COL8A1: variants seen among roughly 807,000 people sequenced by gnomAD.
COL8A1 encodes collagen alpha-1(VIII) chain.
COL8A1 carries 21 observed loss-of-function variants against 42.7 expected under a neutral mutation model. That is an observed-to-expected ratio of 0.49 (90% CI 0.35 to 0.71). The LOEUF is 0.71. Among genes scored for constraint, COL8A1 ranks in the 30% least tolerant of loss-of-function variants. The pLI, the probability that COL8A1 is intolerant of heterozygous loss-of-function variation, is 0.01. For synonymous variants in COL8A1, 367 were observed against 369.1 expected (o/e 0.99, Z 0.06); for missense variants, 788 against 962.4 (o/e 0.82, Z 2.40).
intron 1 of COL8A1, among the ~76,000 whole-genome samples, chr3:99,724,670 C>T (rs1001884485): frequency 6.6e-6 from 1 of 152,072 alleles, no homozygotes; most frequent in Admixed American, 6.6e-5. Flanking sequence ...AGAGATAAGT[C>T]AATCCACATT....
chr3:99,794,278 C>G lies in COL8A1; in HGVS notation c.377C>G (p.Pro126Arg). 1.2e-6 allele frequency: 2 copies of G among 1,610,054 alleles called. No homozygotes were observed. The highest frequency in any genetic ancestry group is 1.7e-6 in the Non-Finnish European group (2 of 1,178,352). The change falls in exon 4 of 4, where the codon CCT (proline) becomes CGT (arginine). Residue 126 changes from proline (P) to arginine (R), a missense_variant. Physicochemically the swap from Pro to Arg is moderately radical, Grantham distance 103. This residue lies in a region of COL8A1 where 421 missense variants were observed against 553.1 expected (regional missense o/e 0.76). Transcript: ENST00000652472. The surrounding 1 kb of genome is among the most constrained non-coding windows in gnomAD (Gnocchi z 4.3). ...GGGGAACAAGGTCCCCGTGGAGAGC[C>G]TGGCCCAAGAGGACCACCTGGGCCC... ...LRGEQGPRGE[P>R]GPRGPPGPPG...
At chr3:99,657,707 C>G (rs1004678872) in intron 1 of COL8A1, among the ~76,000 whole-genome samples, 1 of 152,148 alleles carries the variant, frequency 6.6e-6, no homozygotes, top group African/African-American at 2.4e-5. Flanking sequence ...TTTCCCTCAC[C>G]TCTTCTCTAA....
chr3:99,700,876 A>AG (rs537252247), intron 1 of COL8A1, among the ~76,000 whole-genome samples: 85 of 151,974 alleles, frequency 5.6e-4, no homozygotes, highest in Non-Finnish European at 1.0e-3. Flanking sequence ...CGTTCTGGTT[A>AG]CTTTCTGGAA....
At chr3:99,668,767 GTATAGTAA>G (rs1427778376) in intron 1 of COL8A1, among the ~76,000 whole-genome samples, 1 of 151,972 alleles carries the variant, frequency 6.6e-6, no homozygotes, top group Non-Finnish European at 1.5e-5. Context: ...ATAAGTAGCT[GTATAGTAA>G]TATGCCAGGC....
At chr3:99,645,562 A>G (rs918607979) in intron 1 of COL8A1, among the ~76,000 whole-genome samples, 1 of 152,142 alleles carries the variant, frequency 6.6e-6, no homozygotes, top group Non-Finnish European at 1.5e-5. Flanking sequence ...TGGGTGTCTC[A>G]ATAGAAACTG....
chr3:99,744,676 T>C (rs539296268), intron 1 of COL8A1, among the ~76,000 whole-genome samples: 2 of 152,336 alleles, frequency 1.3e-5, no homozygotes, highest in East Asian at 3.9e-4. Context: ...ATTGAACTGG[T>C]GAGAACTTAC....
chr3:99,708,224 G>A (rs539510782), intron 1 of COL8A1, among the ~76,000 whole-genome samples: 7 of 152,204 alleles, frequency 4.6e-5, no homozygotes, highest in South Asian at 4.1e-4. Flanking sequence ...TCTCAAAGAC[G>A]TCACTGCTTA....
At chr3:99,640,333 G>A (rs1240647531) in intron 1 of COL8A1, among the ~76,000 whole-genome samples, 1 of 152,162 alleles carries the variant, frequency 6.6e-6, no homozygotes, top group Non-Finnish European at 1.5e-5. Context: ...CAAGAGTACA[G>A]GTATGGGACA....
chr3:99,638,831 T>C (rs759191380), intron 1 of COL8A1, among the ~76,000 whole-genome samples, 167 bp downstream of exon 1: 8 of 152,218 alleles, frequency 5.3e-5, no homozygotes, highest in Admixed American at 3.3e-4. Flanking sequence ...TCTGTTTGAA[T>C]GGTAAAATAA....
intron 1 of COL8A1, among the ~76,000 whole-genome samples, chr3:99,699,844 T>C (rs1356197918): frequency 2.0e-5 from 3 of 152,084 alleles, no homozygotes; most frequent in Non-Finnish European, 4.4e-5. Flanking sequence ...CACACACTCT[T>C]ACACAAACAT....
chr3:99,725,604 C>G (rs1358762638), intron 1 of COL8A1, among the ~76,000 whole-genome samples: 1 of 131,534 alleles, frequency 7.6e-6, no homozygotes, highest in East Asian at 2.4e-4. Flanking sequence ...TGTGATGTTC[C>G]CCTTCCTGTG....
At chr3:99,792,612 G>C (rs975717990) in intron 3 of COL8A1, among the ~76,000 whole-genome samples, 3 of 152,104 alleles carry the variant, frequency 2.0e-5, no homozygotes, top group Non-Finnish European at 4.4e-5. Context: ...TATTCTTGCT[G>C]TACAGATAGG....
At chr3:99,733,556 C>G (rs1269058780) in intron 1 of COL8A1, among the ~76,000 whole-genome samples, 1 of 151,968 alleles carries the variant, frequency 6.6e-6, no homozygotes, top group East Asian at 1.9e-4. Context: ...CATTGTTGGA[C>G]GTTTGGGTTG....
chr3:99,666,004 G>A (rs1157722984), intron 1 of COL8A1, among the ~76,000 whole-genome samples: 1 of 151,948 alleles, frequency 6.6e-6, no homozygotes, highest in Non-Finnish European at 1.5e-5. Context: ...ATTAATTATT[G>A]ATAGAGCAGT....
At chr3:99,736,853 A>G (rs1302592477) in intron 1 of COL8A1, among the ~76,000 whole-genome samples, 1 of 142,536 alleles carries the variant, frequency 7.0e-6, no homozygotes, top group African/African-American at 2.6e-5. Flanking sequence ...CCCATTATTA[A>G]TGTGTGGGAG....
At chr3:99,662,659 T>C (rs1480023776) in intron 1 of COL8A1, among the ~76,000 whole-genome samples, 1 of 152,214 alleles carries the variant, frequency 6.6e-6, no homozygotes, top group Non-Finnish European at 1.5e-5. Context: ...GCAACAGTTC[T>C]GGAGGCCAGA....
At chr3:99,694,766 T>C (rs1559781231) in intron 1 of COL8A1, among the ~76,000 whole-genome samples, 1 of 152,222 alleles carries the variant, frequency 6.6e-6, no homozygotes, top group Admixed American at 6.5e-5. Flanking sequence ...GCTTTATTGA[T>C]AGATCAGCAT....
intron 1 of COL8A1, among the ~76,000 whole-genome samples, chr3:99,670,753 C>G (rs1938517605): frequency 6.6e-6 from 1 of 152,016 alleles, no homozygotes; most frequent in South Asian, 2.1e-4. Flanking sequence ...AACAAGCCCT[C>G]ATTTCCTCCC....
At chr3:99,762,287 A>T (rs894750546) in intron 2 of COL8A1, among the ~76,000 whole-genome samples, 1 of 152,286 alleles carries the variant, frequency 6.6e-6, no homozygotes, top group Middle Eastern at 3.4e-3. Flanking sequence ...ATGTGTATCT[A>T]TGTTAATCAG....
Sources: gnomAD v4.1 joint callset for allele counts (sites outside exome capture counted in the v4.1 genomes callset) on GRCh38, gnomAD v4.1.1 for gene constraint, gnomAD v4.1.1 regional missense constraint, Gnocchi (gnomAD v3.1) non-coding constraint, MANE v1.5 for transcripts, NCBI Gene and HGNC (gene_info 2026-07-23, HGNC 2026-07-21) for gene names.